Variants in DUS2 observed in about 807,000 individuals in gnomAD.
The protein encoded by DUS2 is dihydrouridine synthase 2.
Under a neutral mutation model 71.3 loss-of-function variants are expected in DUS2, and 52 were observed. That is an observed-to-expected ratio of 0.73 (90% CI 0.58 to 0.92). DUS2 has a LOEUF of 0.92. Among genes scored for constraint, DUS2 ranks in the 40% least tolerant of loss-of-function variants. DUS2 has a pLI of 0.00. For synonymous variants in DUS2, 204 were observed against 227.8 expected (o/e 0.90, Z 0.94); for missense variants, 558 against 622.6 (o/e 0.90, Z 1.10).
At chr16:68,060,677 C>T (rs1253146152) in intron 7 of DUS2, among the ~76,000 whole-genome samples, 1 of 152,110 alleles carries the variant, frequency 6.6e-6, no homozygotes, top group Non-Finnish European at 1.5e-5. Flanking sequence ...AACCCTGTCT[C>T]TACTAAAAAT....
At chr16:68,035,977 A>G (rs1425082174) in intron 2 of DUS2, among the ~76,000 whole-genome samples, 1 of 143,976 alleles carries the variant, frequency 6.9e-6, no homozygotes, top group Non-Finnish European at 1.5e-5. Context: ...ATATATATAT[A>G]TACATATATA....
rs1365264633 is a variant in DUS2 at position 68,053,669 on chromosome 16, T to C, written c.264+14T>C. On this transcript the variant is annotated intron_variant, in intron 5 of 16. Transcript: ENST00000565263. Reference sequence around the variant, plus strand: ...GTCTTCCAGATGGTGAGAGACTCCATTGCTGCATGCCCTCCTGAGGCTCAC... The same window carrying C: ...GTCTTCCAGATGGTGAGAGACTCCACTGCTGCATGCCCTCCTGAGGCTCAC... 6 of 1,613,846 alleles carry C rather than the reference T, an allele frequency of 3.7e-6. No individual in the cohort carries two copies. Among genetic ancestry groups the C allele is most frequent in the Non-Finnish European group, 5.1e-6 (6 of 1,179,822 alleles).
intron 3 of DUS2, 75 bp from the exon 4 acceptor site, chr16:68,049,430 G>A: frequency 6.8e-7 from 1 of 1,480,476 alleles, no homozygotes; most frequent in Non-Finnish European, 9.4e-7. Flanking sequence ...ATCCTCATTA[G>A]GTGTGTGATG....
chr16:68,040,775 T>G (rs1312532310), intron 3 of DUS2, among the ~76,000 whole-genome samples: 2 of 151,856 alleles, frequency 1.3e-5, no homozygotes, highest in African/African-American at 4.8e-5. Context: ...CCATGGTTGT[T>G]TTGCCAGTGA....
rs752342206 is a variant in DUS2 at position 68,075,553 on chromosome 16, G to T, written c.1082+49G>T. 8 of 1,559,338 alleles carry T rather than the reference G, an allele frequency of 5.1e-6. No individual in the cohort carries two copies. In the South Asian group the frequency reaches 9.7e-5, roughly 19 times the overall value. Reference sequence around the variant, plus strand: ...CTTGGGCTAGGGCCAGCACCCTTGGGGTCCCACTGGGCCAGCACACTGGCT... The same window carrying T: ...CTTGGGCTAGGGCCAGCACCCTTGGTGTCCCACTGGGCCAGCACACTGGCT... On this transcript the variant is annotated intron_variant, in intron 14 of 16. Coordinates refer to ENST00000565263, the MANE Select transcript of DUS2 (RefSeq NM_017803.5).
At chr16:68,030,396 C>T (rs958002832) in intron 2 of DUS2, among the ~76,000 whole-genome samples, 1 of 151,936 alleles carries the variant, frequency 6.6e-6, no homozygotes, top group Admixed American at 6.6e-5. Context: ...GAGTTCAAGA[C>T]GAGTCTGGCC....
chr16:68,053,191 G>C (rs2033804214), intron 4 of DUS2, among the ~76,000 whole-genome samples: 1 of 152,076 alleles, frequency 6.6e-6, no homozygotes, highest in Admixed American at 6.6e-5. Context: ...TTGAACTCTT[G>C]ACCTCATGAT....
At chr16:68,031,790 G>A (rs2033443326) in intron 2 of DUS2, among the ~76,000 whole-genome samples, 1 of 152,138 alleles carries the variant, frequency 6.6e-6, no homozygotes, top group Non-Finnish European at 1.5e-5. Flanking sequence ...TGCCTCCCTG[G>A]TTTGAGTGAT....
chr16:68,054,907 G>C (rs555086338), intron 6 of DUS2, among the ~76,000 whole-genome samples: 1 of 152,238 alleles, frequency 6.6e-6, no homozygotes, highest in Non-Finnish European at 1.5e-5. Flanking sequence ...GCTGGGTGTG[G>C]TGGCGCGTGC....
At chr16:68,052,067 T>G (rs535359969) in intron 4 of DUS2, among the ~76,000 whole-genome samples, 5 of 149,888 alleles carry the variant, frequency 3.3e-5, no homozygotes, top group South Asian at 4.2e-4. Context: ...CCCAGCTAAT[T>G]TTTTTTTTTG....
intron 11 of DUS2, among the ~76,000 whole-genome samples, 180 bp from the exon 12 acceptor site, chr16:68,070,760 T>C (rs2034073071): frequency 6.6e-6 from 1 of 152,250 alleles, no homozygotes; most frequent in African/African-American, 2.4e-5. Flanking sequence ...TCTCAGTTAG[T>C]GCTCCTAACT....
chr16:68,028,921 G>T (rs1486483928), intron 2 of DUS2, among the ~76,000 whole-genome samples: 1 of 152,130 alleles, frequency 6.6e-6, no homozygotes, highest in Non-Finnish European at 1.5e-5. Flanking sequence ...CTGTATCAGG[G>T]CTGGGCACAG....
chr16:68,028,362 G>A (rs1434555909), intron 2 of DUS2, among the ~76,000 whole-genome samples: 7 of 152,060 alleles, frequency 4.6e-5, no homozygotes, highest in African/African-American at 1.4e-4. Context: ...GAGGCCAGGC[G>A]CGGTGGCTCA....
Position 68,045,997 on chromosome 16 carries a change from C to T in DUS2, c.127-3508C>T, listed in dbSNP as rs564122101. ...CCTCCCGAAGTGCTGGGATTACAGG[C>T]GTGAGCCACTGTCCCTGGCCTGGGA... On this transcript the variant is annotated intron_variant, in intron 3 of 16. Coordinates refer to ENST00000565263, the MANE Select transcript of DUS2 (RefSeq NM_017803.5). Among the ~76,000 whole-genome samples, 3 of 152,262 alleles carry T rather than the reference C, an allele frequency of 2.0e-5. No individual in the cohort carries two copies. The South Asian group carries it at 6.2e-4, about 32-fold the overall frequency.
chr16:68,026,967 C>T (rs1409507742), intron 2 of DUS2: 1 of 149,854 alleles, frequency 6.7e-6, no homozygotes, highest in Non-Finnish European at 1.5e-5. Context: ...CAGATTATTT[C>T]CTAATCAGTA....
chr16:68,060,723 C>A (rs2033926971), intron 7 of DUS2, among the ~76,000 whole-genome samples: 2 of 152,078 alleles, frequency 1.3e-5, no homozygotes, highest in African/African-American at 4.8e-5. Flanking sequence ...TTGTGCATGC[C>A]TGCAATCCTG....
intron 2 of DUS2, among the ~76,000 whole-genome samples, chr16:68,031,467 A>G (rs1000445110): frequency 6.6e-6 from 1 of 151,754 alleles, no homozygotes; most frequent in Non-Finnish European, 1.5e-5. Context: ...CTGGCCATGA[A>G]CTCTGTTTCT....
intron 3 of DUS2, among the ~76,000 whole-genome samples, chr16:68,044,331 C>G (rs930235719): frequency 2.0e-5 from 3 of 151,344 alleles, no homozygotes; most frequent in African/African-American, 7.3e-5. Context: ...TTATTGCTGT[C>G]ATAACAATAT....
intron 2 of DUS2, among the ~76,000 whole-genome samples, chr16:68,036,147 T>G (rs1384540297): frequency 6.7e-6 from 1 of 150,314 alleles, no homozygotes; most frequent in Admixed American, 6.7e-5. Context: ...CAGGCATGCA[T>G]CAGCACAGCT....
Sources: gnomAD v4.1 joint callset for allele counts (sites outside exome capture counted in the v4.1 genomes callset) on GRCh38, gnomAD v4.1.1 for gene constraint, MANE v1.5 for transcripts, NCBI Gene and HGNC (gene_info 2026-07-23, HGNC 2026-07-21) for gene names.